Variants in GPHN observed in about 807,000 individuals in gnomAD.
GPHN encodes gephyrin.
A neutral mutation model predicts 95.5 loss-of-function variants in GPHN; 17 were observed. The ratio of observed to expected loss-of-function variants is 0.18; its 90% CI spans 0.12 to 0.27. The LOEUF (loss-of-function observed/expected upper bound fraction) is 0.27. Among genes scored for constraint, GPHN ranks in the 10% least tolerant of loss-of-function variants. GPHN has a pLI of 1.00. For synonymous variants in GPHN, 320 were observed against 322.5 expected (o/e 0.99, Z 0.08); for missense variants, 660 against 978.1 (o/e 0.67, Z 4.34).
chr14:66,601,085 T>G (rs1410022026), intron 1 of GPHN, among the ~76,000 whole-genome samples: 2 of 152,070 alleles, frequency 1.3e-5, no homozygotes, highest in Non-Finnish European at 2.9e-5. Flanking sequence ...ATAAAGAGGT[T>G]AAGTTCCTTG....
At chr14:67,395,635 G>T in the GPHN span, 2 of 1,548,426 alleles carry the variant, frequency 1.3e-6, no homozygotes, top group Non-Finnish European at 1.8e-6. Flanking sequence ...GCAAGAGGAC[G>T]CCGGGCAGCA....
At chr14:67,088,340 TATATACAC>T (rs2076992671) in intron 11 of GPHN, among the ~76,000 whole-genome samples, 1 of 152,190 alleles carries the variant, frequency 6.6e-6, no homozygotes, top group African/African-American at 2.4e-5. Context: ...TTTCTACTGA[TATATACAC>T]ATATATCTTA....
At chr14:67,574,702 C>T in the GPHN span, among the ~76,000 whole-genome samples, 1 of 151,848 alleles carries the variant, frequency 6.6e-6, no homozygotes, top group Non-Finnish European at 1.5e-5. The surrounding 1 kb of genome is among the most constrained non-coding windows in gnomAD (Gnocchi z 4.2). Flanking sequence ...CCACCTTATA[C>T]CTGCCTCAGT....
chr14:67,654,152 G>T, the GPHN span, among the ~76,000 whole-genome samples: 1 of 152,144 alleles, frequency 6.6e-6, no homozygotes, highest in Non-Finnish European at 1.5e-5. Flanking sequence ...CGTCACTCAG[G>T]CTGGAGTGCA....
chr14:67,568,444 G>A, the GPHN span, among the ~76,000 whole-genome samples: 5 of 152,100 alleles, frequency 3.3e-5, no homozygotes, highest in African/African-American at 9.7e-5. Context: ...GGGCCTGTCA[G>A]TGGATGGTGG....
At chr14:66,920,221 G>C (rs1486256531) in intron 6 of GPHN, among the ~76,000 whole-genome samples, 1 of 152,154 alleles carries the variant, frequency 6.6e-6, no homozygotes, top group African/African-American at 2.4e-5. Context: ...CAGGATTTTT[G>C]CATAAATCAT....
chr14:66,685,828 A>G (rs976812656), intron 2 of GPHN, among the ~76,000 whole-genome samples: 2 of 152,208 alleles, frequency 1.3e-5, no homozygotes, highest in Non-Finnish European at 2.9e-5. Context: ...GCCCATGCCT[A>G]TGTCCTGAAT....
chr14:67,210,449 A>T, the GPHN span, among the ~76,000 whole-genome samples: 1 of 152,162 alleles, frequency 6.6e-6, no homozygotes, highest in Admixed American at 6.6e-5. Flanking sequence ...GAACAAAGAA[A>T]AAAGAAAAGA....
the GPHN span, chr14:67,587,154 A>T: frequency 2.2e-5 from 35 of 1,613,762 alleles, no homozygotes; most frequent in Admixed American, 3.3e-5. Flanking sequence ...ACCCACCCGG[A>T]GCCTGCCAGC....
chr14:67,332,920 T>G, the GPHN span: 2 of 1,613,500 alleles, frequency 1.2e-6, no homozygotes, highest in South Asian at 2.2e-5. Context: ...AACTTGATAC[T>G]GAACCTCAGT....
the GPHN span, chr14:67,615,668 C>G: frequency 1.9e-6 from 1 of 524,998 alleles, no homozygotes; most frequent in South Asian, 1.8e-5. Context: ...CAATTTGAAG[C>G]TATGGCAAGG....
chr14:66,758,590 A>T (rs1024649304), intron 2 of GPHN, among the ~76,000 whole-genome samples: 1 of 152,146 alleles, frequency 6.6e-6, no homozygotes, highest in Non-Finnish European at 1.5e-5. Flanking sequence ...AAATGAAAAA[A>T]GGGGGTAAGG....
At chr14:67,545,332 A>G in the GPHN span, among the ~76,000 whole-genome samples, 1 of 152,236 alleles carries the variant, frequency 6.6e-6, no homozygotes, top group African/African-American at 2.4e-5. Context: ...CTGAATAACT[A>G]TGCGCTCAGC....
At chr14:67,036,605 CAAT>C (rs1008765839) in intron 10 of GPHN, among the ~76,000 whole-genome samples, 5 of 147,574 alleles carry the variant, frequency 3.4e-5, no homozygotes, top group African/African-American at 1.3e-4. Context: ...ACAAAGTCAA[CAAT>C]AAAAAATCAA....
At chr14:67,489,719 G>A in the GPHN span, among the ~76,000 whole-genome samples, 59 of 152,288 alleles carry the variant, frequency 3.9e-4, no homozygotes, top group African/African-American at 9.4e-4. Flanking sequence ...AGCCGGGCGC[G>A]GTGGCTCACG....
the GPHN span, among the ~76,000 whole-genome samples, chr14:67,441,214 C>G: frequency 1.3e-5 from 2 of 152,324 alleles, no homozygotes; most frequent in Admixed American, 6.5e-5. Flanking sequence ...GTTCGTGCTT[C>G]TCTGGCTTAG....
chr14:67,711,889 A>C, the GPHN span, among the ~76,000 whole-genome samples: 1 of 152,316 alleles, frequency 6.6e-6, no homozygotes, highest in South Asian at 2.1e-4. Context: ...ATAGGATTGT[A>C]TAAGGAGACA....
intron 5 of GPHN, among the ~76,000 whole-genome samples, chr14:66,904,320 C>T (rs554798405): frequency 5.5e-4 from 84 of 152,156 alleles, no homozygotes; most frequent in African/African-American, 1.7e-3. Flanking sequence ...TATTTGTCCC[C>T]GCCCATGTCC....
chr14:67,106,455 T>C (rs906161579), intron 13 of GPHN, among the ~76,000 whole-genome samples: 2 of 152,192 alleles, frequency 1.3e-5, no homozygotes, highest in Admixed American at 6.5e-5. Flanking sequence ...TTGTATGGTG[T>C]CCCATAAGTC....
Sources: allele counts gnomAD v4.1 joint callset (sites outside exome capture counted in the v4.1 genomes callset), GRCh38; gene constraint gnomAD v4.1.1; non-coding constraint Gnocchi (gnomAD v3.1); transcripts MANE v1.5; gene names NCBI Gene and HGNC (gene_info 2026-07-23, HGNC 2026-07-21).